CTNNA3: variants seen among roughly 807,000 people sequenced by gnomAD.
CTNNA3 encodes the protein catenin alpha 3.
CTNNA3 carries 76 observed loss-of-function variants against 95.7 expected under a neutral mutation model. The observed-to-expected ratio is 0.79, with a 90% CI of 0.66 to 0.96. The LOEUF is 0.96. Among genes scored for constraint, CTNNA3 ranks in the 40% least tolerant of loss-of-function variants. The probability of loss-of-function intolerance (pLI) is 0.00; values close to 1 mark genes in which losing one functional copy is unlikely to be tolerated. For missense variants in CTNNA3, 1,191 were observed against 1,089.8 expected, an observed-to-expected ratio of 1.09 and a Z score of -1.31; for synonymous variants, 431 against 374.4, an observed-to-expected ratio of 1.15 and a Z score of -1.74.
chr10:66,572,156 G>A (rs1842885308), intron 10 of CTNNA3, among the ~76,000 whole-genome samples: 1 of 152,080 alleles, frequency 6.6e-6, no homozygotes, highest in African/African-American at 2.4e-5. Flanking sequence ...GTTGGGGCAG[G>A]TGGATCACTT....
intron 11 of CTNNA3, among the ~76,000 whole-genome samples, chr10:66,485,659 C>T (rs1220550086): frequency 6.6e-6 from 1 of 151,940 alleles, no homozygotes; most frequent in African/African-American, 2.4e-5. Context: ...TTAAAATATC[C>T]ATACTACTCA....
intron 4 of CTNNA3, among the ~76,000 whole-genome samples, chr10:67,522,987 C>T (rs1013508137): frequency 6.6e-6 from 1 of 152,150 alleles, no homozygotes; most frequent in African/African-American, 2.4e-5. Flanking sequence ...TGCCATGAGA[C>T]AGGCTAATAA....
chr10:67,479,573 A>AT (rs1316936954), intron 5 of CTNNA3, among the ~76,000 whole-genome samples: 1 of 152,146 alleles, frequency 6.6e-6, no homozygotes, highest in Non-Finnish European at 1.5e-5. Context: ...AACATCCAAA[A>AT]TTTTGGGGAT....
At chr10:66,110,230 C>T (rs1010106079) in intron 13 of CTNNA3, among the ~76,000 whole-genome samples, 19 of 151,684 alleles carry the variant, frequency 1.3e-4, no homozygotes, top group Admixed American at 3.3e-4. Flanking sequence ...GGTGTGGTGG[C>T]GTGTGCCTGT....
At chr10:67,348,019 C>T (rs1842497862) in intron 5 of CTNNA3, among the ~76,000 whole-genome samples, 1 of 152,104 alleles carries the variant, frequency 6.6e-6, no homozygotes, top group African/African-American at 2.4e-5. Flanking sequence ...CAAAGGTCAA[C>T]TGATCTTCAA....
intron 10 of CTNNA3, among the ~76,000 whole-genome samples, chr10:66,610,299 ATG>A (rs1844282803): frequency 2.6e-5 from 4 of 152,036 alleles, no homozygotes; most frequent in African/African-American, 9.7e-5. Context: ...AGCTTACCCT[ATG>A]TAACAAACCC....
intron 10 of CTNNA3, among the ~76,000 whole-genome samples, chr10:66,604,628 C>T (rs934117007): frequency 3.3e-5 from 5 of 152,060 alleles, no homozygotes; most frequent in African/African-American, 1.2e-4. Context: ...AACCAAAGAA[C>T]ACTCTCAGGT....
chr10:67,609,051 T>C (rs146887233), intron 2 of CTNNA3, among the ~76,000 whole-genome samples: 83 of 140,640 alleles, frequency 5.9e-4, no homozygotes, highest in African/African-American at 2.2e-3. Context: ...AATCACGCCA[T>C]TGCACTCCAG....
intron 5 of CTNNA3, among the ~76,000 whole-genome samples, chr10:67,448,540 CAAA>C (rs1846841227): frequency 6.6e-6 from 1 of 151,794 alleles, no homozygotes; most frequent in Non-Finnish European, 1.5e-5. Flanking sequence ...AACTCCTAAT[CAAA>C]GAAGAATGAA....
At position 67,691,016 on chromosome 10, in the gene CTNNA3, C is replaced by T. The variant is rs561390732; in HGVS notation, c.-6+4984G>A. Among the ~76,000 whole-genome samples the T allele has an allele frequency of 6.6e-5, 10 of 152,324 alleles. No individual in the cohort carries two copies. The South Asian group carries it at 1.7e-3, about 25-fold the overall frequency. On this transcript the variant is annotated intron_variant, in intron 1 of 17. Coordinates refer to ENST00000433211, the MANE Select transcript of CTNNA3 (RefSeq NM_013266.4). ...GCCTGATTCTCCTGCCTCAGCCTGC[C>T]GAGTGCCTGCGATTGCAGGCGCGCG...
At chr10:66,654,409 C>A (rs575520738) in intron 9 of CTNNA3, among the ~76,000 whole-genome samples, 1 of 152,160 alleles carries the variant, frequency 6.6e-6, no homozygotes, top group East Asian at 1.9e-4. Context: ...TGAGCTATAT[C>A]ACCTTATACC....
intron 1 of CTNNA3, among the ~76,000 whole-genome samples, chr10:67,722,145 T>C (rs1051820712): frequency 8.5e-5 from 13 of 152,168 alleles, no homozygotes; most frequent in East Asian, 1.9e-4. Flanking sequence ...AAAATCAGTA[T>C]TTTATCTCAG....
chr10:67,385,906 T>C (rs1429750160), intron 5 of CTNNA3, among the ~76,000 whole-genome samples: 1 of 151,316 alleles, frequency 6.6e-6, no homozygotes, highest in Non-Finnish European at 1.5e-5. Flanking sequence ...AAGTGGAAGC[T>C]ACCAGCCTGT....
intron 9 of CTNNA3, among the ~76,000 whole-genome samples, chr10:66,655,195 A>G (rs1846033981): frequency 6.6e-6 from 1 of 152,118 alleles, no homozygotes; most frequent in Non-Finnish European, 1.5e-5. Context: ...GTACATGATA[A>G]ATAAACACAA....
chr10:66,112,792 A>G (rs2082167222), intron 13 of CTNNA3, among the ~76,000 whole-genome samples: 1 of 150,380 alleles, frequency 6.6e-6, no homozygotes, highest in African/African-American at 2.4e-5. Context: ...GTCGTTGCAT[A>G]TGACTGATCT....
chr10:67,092,036 A>T (rs1369518653), intron 7 of CTNNA3, among the ~76,000 whole-genome samples: 1 of 151,958 alleles, frequency 6.6e-6, no homozygotes, highest in Non-Finnish European at 1.5e-5. Context: ...AAAGTAAGAA[A>T]ATACGCCTCT....
At chr10:66,169,999 T>C (rs897285227) in intron 13 of CTNNA3, among the ~76,000 whole-genome samples, 1 of 152,166 alleles carries the variant, frequency 6.6e-6, no homozygotes, top group African/African-American at 2.4e-5. Flanking sequence ...CTATTTCTTT[T>C]TCTGTGCAAA....
Position 66,775,486 on chromosome 10 carries a change from A to G in CTNNA3, c.1086T>C (p.Ala362=). The part of the protein sequence containing the change: ...KKERSNTLNI[A]LDNMCKKTRD... ...TTGTCTTCTTACACATGTTGTCTAA[A>G]GCAATATTCAGGGTATTACTCCTTT... Residue 362 remains alanine (A), a synonymous_variant, in exon 8 of 18, where the codon GCT becomes GCC. Coordinates refer to ENST00000433211, the MANE Select transcript of CTNNA3 (RefSeq NM_013266.4). 1.2e-6 allele frequency: 2 copies of G among 1,611,924 alleles called. No individual in the cohort carries two copies. Among genetic ancestry groups the G allele is most frequent in the Non-Finnish European group, 1.7e-6 (2 of 1,178,982 alleles).
intron 15 of CTNNA3, among the ~76,000 whole-genome samples, chr10:66,032,941 T>A (rs182285838): frequency 6.6e-6 from 1 of 152,076 alleles, no homozygotes; most frequent in African/African-American, 2.4e-5. Flanking sequence ...AAGGTCACCA[T>A]GTTTGGTAGA....
Sources: gnomAD v4.1 joint callset for allele counts (sites outside exome capture counted in the v4.1 genomes callset) on GRCh38, gnomAD v4.1.1 for gene constraint, MANE v1.5 for transcripts, NCBI Gene and HGNC (gene_info 2026-07-23, HGNC 2026-07-21) for gene names.